CRTC3: variants seen among roughly 807,000 people sequenced by gnomAD.
CRTC3 encodes CREB-regulated transcription coactivator 3.
Under a neutral mutation model 74.5 loss-of-function variants are expected in CRTC3, and 26 were observed. The ratio of observed to expected loss-of-function variants is 0.35; its 90% CI spans 0.26 to 0.48. The LOEUF (loss-of-function observed/expected upper bound fraction) is 0.48, where lower values mean the gene tolerates loss of function less well. Ranked by LOEUF, CRTC3 falls within the 20% of genes least tolerant of loss-of-function variation. CRTC3 has a pLI of 0.99. For missense variants in CRTC3, 760 were observed against 787.3 expected (o/e 0.97, Z 0.41); for synonymous variants, 377 against 325.8 (o/e 1.16, Z -1.69).
chr15:90,602,830 T>C (rs1339916340), intron 4 of CRTC3, among the ~76,000 whole-genome samples: 1 of 150,746 alleles, frequency 6.6e-6, no homozygotes, highest in East Asian at 2.0e-4. Context: ...AAAAATTAGC[T>C]GGGCATGACA....
At chr15:90,639,394 C>G (rs141346332) in intron 13 of CRTC3, among the ~76,000 whole-genome samples, 7 of 151,172 alleles carry the variant, frequency 4.6e-5, no homozygotes, top group Non-Finnish European at 1.0e-4. Context: ...TAAGTATGGA[C>G]TGGGCCCTCC....
intron 2 of CRTC3, among the ~76,000 whole-genome samples, chr15:90,572,343 C>T (rs1967290115): frequency 6.6e-6 from 1 of 152,066 alleles, no homozygotes; most frequent in Non-Finnish European, 1.5e-5. Context: ...TTCACTATTA[C>T]AGAGGAAAAC....
chr15:90,593,827 C>T, intron 3 of CRTC3, 72 bp downstream of exon 3: 1 of 1,481,852 alleles, frequency 6.7e-7, no homozygotes, highest in African/African-American at 1.4e-5. Context: ...TTTATCTTCC[C>T]TGCAATTCTC....
intron 6 of CRTC3, among the ~76,000 whole-genome samples, chr15:90,612,528 A>G (rs28710906): frequency 0.017 from 2,588 of 152,000 alleles, 70 homozygotes; most frequent in African/African-American, 0.059. Context: ...TTGAGTCCTC[A>G]TGTTTCAGGG....
intron 8 of CRTC3, among the ~76,000 whole-genome samples, chr15:90,618,912 CTA>C (rs975133362): frequency 6.6e-6 from 1 of 152,184 alleles, no homozygotes; most frequent in African/African-American, 2.4e-5. Flanking sequence ...CAGAGGATAA[CTA>C]TGTCTTCTCC....
chr15:90,530,141 C>CA lies in CRTC3; in HGVS notation c.71dup (p.Arg25GlufsTer60). 1 of 1,454,140 alleles carries CA rather than the reference C, an allele frequency of 6.9e-7. No homozygotes were observed. 90.1% of individuals were successfully genotyped at this position (1,454,140 alleles called of 1,614,324 possible). On this transcript the variant is annotated frameshift_variant, in exon 1 of 15. Coordinates refer to ENST00000268184, the MANE Select transcript of CRTC3 (RefSeq NM_022769.5). LOFTEE classifies it high-confidence loss of function. The surrounding 1 kb of genome is among the most constrained non-coding windows in gnomAD (Gnocchi z 6.2). ...CAGTGAGAAGATCGCGCTGCACACG[C>CA]AGAGACAGGCCGAGGAGACGCGGGC... is the stretch of plus-strand genomic sequence containing the variant.
At chr15:90,581,242 T>C (rs1297862224) in intron 2 of CRTC3, among the ~76,000 whole-genome samples, 3 of 152,210 alleles carry the variant, frequency 2.0e-5, no homozygotes, top group Non-Finnish European at 2.9e-5. Context: ...TGTGTGTGTC[T>C]TTTCATGAGC....
At chr15:90,533,742 A>G (rs1966672551) in intron 1 of CRTC3, among the ~76,000 whole-genome samples, 1 of 152,196 alleles carries the variant, frequency 6.6e-6, no homozygotes, top group Admixed American at 6.5e-5. Flanking sequence ...CATTCATTTA[A>G]TAAGTAAGGA....
intron 2 of CRTC3, among the ~76,000 whole-genome samples, chr15:90,560,184 G>A (rs1966981250): frequency 6.6e-6 from 1 of 152,108 alleles, no homozygotes; most frequent in African/African-American, 2.4e-5. Context: ...AAATACTTGA[G>A]AATAGGGATT....
chr15:90,636,908 G>T (rs1050976127), intron 11 of CRTC3, among the ~76,000 whole-genome samples: 1 of 152,142 alleles, frequency 6.6e-6, no homozygotes, highest in Admixed American at 6.5e-5. Context: ...GAAACAACAG[G>T]TGCTGGAGAG....
chr15:90,563,408 AAAAT>A (rs892534542), intron 2 of CRTC3, among the ~76,000 whole-genome samples: 11 of 152,158 alleles, frequency 7.2e-5, no homozygotes, highest in East Asian at 1.9e-4. Flanking sequence ...TCTGTATCAA[AAAAT>A]AAATAAATAA....
At chr15:90,575,256 C>T (rs763769682) in intron 2 of CRTC3, among the ~76,000 whole-genome samples, 4 of 152,056 alleles carry the variant, frequency 2.6e-5, no homozygotes, top group Non-Finnish European at 4.4e-5. Context: ...GAGGCTGAGG[C>T]GGGAAAATCG....
In CRTC3 at chr15:90,589,973, G is replaced by A. The variant is rs1472952683; in HGVS notation, c.232-3663G>A. 2.0e-5 allele frequency among the ~76,000 whole-genome samples: 3 copies of A among 151,854 alleles called. No homozygotes were observed. The East Asian group carries it at 5.8e-4, about 29-fold the overall frequency. ...CACTCCATCCTGGGCAACAGAGAGA[G>A]ACTCCATCTCAAAAAATAAAAAAAT... On this transcript the variant is annotated intron_variant, in intron 2 of 14. Coordinates refer to ENST00000268184, the MANE Select transcript of CRTC3 (RefSeq NM_022769.5).
chr15:90,561,438 C>G lies in CRTC3; in HGVS notation c.231+21301C>G, dbSNP rs147314690. 9.2e-3 allele frequency among the ~76,000 whole-genome samples: 1,394 copies of G among 152,248 alleles called. 27 individuals are homozygous for G. The highest frequency in any genetic ancestry group is 0.032 in the African/African-American group (1,315 of 41,536). ...AAAATACTTTTGCTGAAGTCTTAAT[C>G]GGCCTGTCCTGAAGTCAACCAGGCT... On this transcript the variant is annotated intron_variant, in intron 2 of 14. Coordinates refer to ENST00000268184, the MANE Select transcript of CRTC3 (RefSeq NM_022769.5).
At chr15:90,586,362 C>CTTTTTTTTT (rs55985691) in intron 2 of CRTC3, among the ~76,000 whole-genome samples, 4 of 81,266 alleles carry the variant, frequency 4.9e-5, no homozygotes, top group Non-Finnish European at 6.8e-5. Context: ...GGTAGAACTT[C>CTTTTTTTTT]TTTTTTTTTT....
rs183931929 is a variant in CRTC3, at chr15:90,589,752, C to T, written c.232-3884C>T. Among the ~76,000 whole-genome samples, 93 of 152,056 alleles carry T rather than the reference C, an allele frequency of 6.1e-4. 1 individual carries two copies. The East Asian group carries it at 0.017, about 27-fold the overall frequency. On this transcript the variant is annotated intron_variant, in intron 2 of 14. Coordinates refer to ENST00000268184, the MANE Select transcript of CRTC3 (RefSeq NM_022769.5). ...CTGTAATCCTAGTACTTTGGGAGGC[C>T]GAGGCATGTGGATCACTTGAGGTCA...
Position 90,641,123 on chromosome 15 carries a change from A to G in CRTC3, c.1575A>G (p.Arg525=), listed in dbSNP as rs1470532151. 5 of 1,613,898 alleles carry G rather than the reference A, an allele frequency of 3.1e-6. No individual in the cohort carries two copies. Among genetic ancestry groups the G allele is most frequent in the East Asian group, 2.2e-5 (1 of 44,894 alleles). Residue 525 remains arginine (R), a synonymous_variant, in exon 14 of 15, where the codon CGA becomes CGG. Transcript: ENST00000268184. ...QQVPLVQQGS[R]ELQDSFHLRP... ...TGCCTCTGGTGCAACAAGGTTCCCGAGAACTGCAGGACTCTTTTCATTTGA... is the reference window on the plus strand; with the variant it reads ...TGCCTCTGGTGCAACAAGGTTCCCGGGAACTGCAGGACTCTTTTCATTTGA...
intron 2 of CRTC3, among the ~76,000 whole-genome samples, chr15:90,575,917 A>G (rs1967393353): frequency 1.3e-5 from 2 of 152,164 alleles, no homozygotes; most frequent in Admixed American, 6.5e-5. Flanking sequence ...AAATGCTTTT[A>G]TTATTGGGTT....
intron 2 of CRTC3, among the ~76,000 whole-genome samples, chr15:90,540,797 A>T (rs893508769): frequency 5.0e-4 from 76 of 152,238 alleles, no homozygotes; most frequent in African/African-American, 1.7e-3. Flanking sequence ...AAAAAAATAA[A>T]TATTTAATCC....
Sources: allele counts gnomAD v4.1 joint callset (sites outside exome capture counted in the v4.1 genomes callset), GRCh38; gene constraint gnomAD v4.1.1; non-coding constraint Gnocchi (gnomAD v3.1); transcripts MANE v1.5; gene names NCBI Gene and HGNC (gene_info 2026-07-23, HGNC 2026-07-21).